The following BMPR1B variants were observed in gnomAD, a reference collection of about 807,000 sequenced individuals.
BMPR1B encodes bone morphogenetic protein receptor type-1B.
BMPR1B carries 12 observed loss-of-function variants against 59.1 expected under a neutral mutation model. The observed-to-expected ratio is 0.20, with a 90% CI of 0.13 to 0.33. BMPR1B has a LOEUF of 0.33. Ranked by LOEUF, BMPR1B falls within the 10% of genes least tolerant of loss-of-function variation. The probability of loss-of-function intolerance (pLI) is 1.00; values close to 1 mark genes in which losing one functional copy is unlikely to be tolerated. For missense variants in BMPR1B, 550 were observed against 610.9 expected, an observed-to-expected ratio of 0.90 and a Z score of 1.05; for synonymous variants, 237 against 207.3, an observed-to-expected ratio of 1.14 and a Z score of -1.23.
intron 2 of BMPR1B, among the ~76,000 whole-genome samples, chr4:94,932,837 C>A (rs964071004): frequency 1.3e-5 from 2 of 152,156 alleles, no homozygotes; most frequent in Non-Finnish European, 1.5e-5. Flanking sequence ...CTAGGTCTGA[C>A]GGTTATATCA....
At chr4:95,130,728 T>C (rs61447608) in intron 9 of BMPR1B, among the ~76,000 whole-genome samples, 6 of 131,124 alleles carry the variant, frequency 4.6e-5, no homozygotes, top group South Asian at 5.1e-4. Flanking sequence ...CTTTTCTTTT[T>C]TTTTTTTTTT....
chr4:94,994,397 T>C (rs1053727508), intron 2 of BMPR1B, among the ~76,000 whole-genome samples: 3 of 152,246 alleles, frequency 2.0e-5, no homozygotes, highest in Admixed American at 2.0e-4. Flanking sequence ...GCCCATTCTT[T>C]AGGATCCAGA....
chr4:94,959,415 A>T (rs1730272385), intron 2 of BMPR1B, among the ~76,000 whole-genome samples: 1 of 152,116 alleles, frequency 6.6e-6, no homozygotes, highest in South Asian at 2.1e-4. Flanking sequence ...GCCTGATAAC[A>T]TTGTAAAGTA....
chr4:94,764,464 A>G (rs1721893135), intron 1 of BMPR1B, among the ~76,000 whole-genome samples: 1 of 152,294 alleles, frequency 6.6e-6, no homozygotes. Context: ...ATTTACTGCA[A>G]TACCCTTGGG....
rs546195143 is a variant in BMPR1B at position 95,059,921 on chromosome 4, C to G, written c.-17-44487C>G. Among the ~76,000 whole-genome samples, 104 of 152,280 alleles carry G rather than the reference C, an allele frequency of 6.8e-4. 2 individuals are homozygous for G. In the South Asian group the frequency reaches 0.014, roughly 20 times the overall value. On this transcript the variant is annotated intron_variant, in intron 3 of 12. Coordinates refer to ENST00000515059, the MANE Select transcript of BMPR1B (RefSeq NM_001203.3). ...CCTGAGTTCAGGATCAGGTGCTTTT[C>G]TGCCTCTTTTTGGCCTGTCTGGTGG...
chr4:94,940,109 AC>A (rs1025445447), intron 2 of BMPR1B, among the ~76,000 whole-genome samples: 1 of 152,342 alleles, frequency 6.6e-6, no homozygotes, highest in African/African-American at 2.4e-5. Context: ...AATTAATAAA[AC>A]AAGAATTGTC....
chr4:95,001,579 G>A (rs1440557917), intron 3 of BMPR1B, among the ~76,000 whole-genome samples: 2 of 152,086 alleles, frequency 1.3e-5, no homozygotes, highest in Admixed American at 6.6e-5. Flanking sequence ...CTTAGATTAT[G>A]TCTAAGATTA....
At chr4:94,841,541 A>G (rs1725079177) in intron 1 of BMPR1B, among the ~76,000 whole-genome samples, 1 of 151,892 alleles carries the variant, frequency 6.6e-6, no homozygotes, top group South Asian at 2.1e-4. Flanking sequence ...GCCATCCGTC[A>G]CCCCTTTCTT....
chr4:94,845,183 GTAAA>G (rs1447599263), intron 1 of BMPR1B, among the ~76,000 whole-genome samples: 5 of 151,990 alleles, frequency 3.3e-5, no homozygotes, highest in African/African-American at 9.7e-5. Flanking sequence ...AATTTAAAGA[GTAAA>G]TAATAGGGTA....
chr4:95,002,291 TA>T (rs1722502061), intron 3 of BMPR1B, among the ~76,000 whole-genome samples: 2 of 152,210 alleles, frequency 1.3e-5, no homozygotes, highest in African/African-American at 2.4e-5. Context: ...CAGCTGCATC[TA>T]AGTTGCTGCA....
intron 3 of BMPR1B, among the ~76,000 whole-genome samples, chr4:95,009,156 A>G (rs1394602300): frequency 6.6e-6 from 1 of 152,234 alleles, no homozygotes; most frequent in East Asian, 1.9e-4. Flanking sequence ...GTGGATGTGA[A>G]GCAACACGAA....
At chr4:94,828,628 A>G (rs931153453) in intron 1 of BMPR1B, among the ~76,000 whole-genome samples, 7 of 152,296 alleles carry the variant, frequency 4.6e-5, no homozygotes, top group African/African-American at 1.7e-4. Context: ...ATTTTCCAGA[A>G]TTATTTGAGA....
intron 2 of BMPR1B, among the ~76,000 whole-genome samples, chr4:94,928,032 C>T (rs1204325912): frequency 2.6e-5 from 4 of 151,922 alleles, no homozygotes; most frequent in Non-Finnish European, 5.9e-5. Context: ...AGAAGAGGAG[C>T]TGTTTGTGGA....
intron 10 of BMPR1B, among the ~76,000 whole-genome samples, chr4:95,139,293 C>T (rs899397183): frequency 6.6e-6 from 1 of 152,142 alleles, no homozygotes; most frequent in Non-Finnish European, 1.5e-5. Context: ...CTCAGAGGGG[C>T]ACCTGGCTGT....
intron 3 of BMPR1B, among the ~76,000 whole-genome samples, chr4:95,044,875 T>C (rs889454483): frequency 6.6e-6 from 1 of 152,102 alleles, no homozygotes; most frequent in African/African-American, 2.4e-5. Flanking sequence ...TATTGTTAGT[T>C]TTTTTTTCTC....
intron 2 of BMPR1B, among the ~76,000 whole-genome samples, chr4:94,975,530 A>AT (rs530473274): frequency 0.054 from 7,774 of 144,720 alleles, 685 homozygotes; most frequent in African/African-American, 0.18. Context: ...GCCTGGCTAA[A>AT]TTTTTTTTTT....
intron 2 of BMPR1B, among the ~76,000 whole-genome samples, chr4:94,978,737 G>T (rs1051826532): frequency 1.1e-4 from 17 of 152,144 alleles, no homozygotes; most frequent in African/African-American, 4.1e-4. Flanking sequence ...AGAACATTTC[G>T]AATGGGAGAG....
intron 2 of BMPR1B, among the ~76,000 whole-genome samples, chr4:94,993,764 A>T (rs1721891803): frequency 9.6e-6 from 1 of 104,574 alleles, no homozygotes; most frequent in Admixed American, 8.9e-5. Context: ...CCATCTCAAA[A>T]AAAAAAAAAA....
intron 2 of BMPR1B, among the ~76,000 whole-genome samples, chr4:94,983,558 A>G (rs191344187): frequency 7.2e-5 from 11 of 152,170 alleles, no homozygotes; most frequent in Admixed American, 4.6e-4. Flanking sequence ...GAGGAAGTAC[A>G]CTTAGAAATG....
Sources: allele counts gnomAD v4.1 joint callset (sites outside exome capture counted in the v4.1 genomes callset), GRCh38; gene constraint gnomAD v4.1.1; transcripts MANE v1.5; gene names NCBI Gene and HGNC (gene_info 2026-07-23, HGNC 2026-07-21).